XKR4: variants seen among roughly 807,000 people sequenced by gnomAD.
XKR4 encodes XK related 4.
A neutral mutation model predicts 53.9 loss-of-function variants in XKR4; 12 were observed. The observed-to-expected ratio is 0.22, with a 90% CI of 0.14 to 0.36. The LOEUF (loss-of-function observed/expected upper bound fraction) is 0.36, where lower values mean the gene tolerates loss of function less well. XKR4 is among the 10% of genes least tolerant of loss of function. The pLI is 1.00. For synonymous variants in XKR4, 354 were observed against 362.4 expected, an observed-to-expected ratio of 0.98 and a Z score of 0.26; for missense variants, 799 against 859.5, an observed-to-expected ratio of 0.93 and a Z score of 0.88.
intron 1 of XKR4, among the ~76,000 whole-genome samples, chr8:55,121,370 C>T (rs1461075602): frequency 1.3e-5 from 2 of 152,154 alleles, no homozygotes; most frequent in Admixed American, 1.3e-4. Flanking sequence ...TGCCAAATGA[C>T]CCTATGTTGG....
rs1014655769 is a variant in XKR4, at chr8:55,213,206, T to C, written c.806+109912T>C. The stretch of plus-strand genomic sequence containing the variant: ...GGAGTTGCTTTGGCTCGAACACCTC[T>C]GACAAAATCAGTCTCCCTGAAAATT... On this transcript the variant is annotated intron_variant, in intron 1 of 2. Transcript: ENST00000327381. Among the ~76,000 whole-genome samples the C allele has an allele frequency of 3.9e-5, 6 of 152,202 alleles. No individual in the cohort carries two copies. In the South Asian group the frequency reaches 8.3e-4, roughly 21 times the overall value.
rs190114297 is a variant in XKR4 at position 55,206,981 on chromosome 8, T to C, written c.806+103687T>C. On this transcript the variant is annotated intron_variant, in intron 1 of 2. Coordinates refer to ENST00000327381, the MANE Select transcript of XKR4 (RefSeq NM_052898.2). ...ACCCTGCCCCGCGGCATAGTCTGCT[T>C]AATCAGGGAGAATCCAGCTGAGTCC... is the stretch of plus-strand genomic sequence containing the variant. Among the ~76,000 whole-genome samples, 51 of 152,332 alleles carry C rather than the reference T, an allele frequency of 3.3e-4. No individual in the cohort carries two copies. In the East Asian group the frequency reaches 6.7e-3, roughly 20 times the overall value.
chr8:55,492,512 A>G (rs1210498916), intron 2 of XKR4, among the ~76,000 whole-genome samples: 1 of 152,198 alleles, frequency 6.6e-6, no homozygotes, highest in Non-Finnish European at 1.5e-5. Flanking sequence ...GAACCACAAC[A>G]CTGATTGTAC....
intron 1 of XKR4, among the ~76,000 whole-genome samples, chr8:55,136,613 T>A (rs1397456666): frequency 6.6e-6 from 1 of 152,096 alleles, no homozygotes; most frequent in African/African-American, 2.4e-5. Flanking sequence ...ATTGGAAGAG[T>A]TAAAACATAT....
At chr8:55,459,104 G>C (rs550771223) in intron 2 of XKR4, among the ~76,000 whole-genome samples, 35 of 152,220 alleles carry the variant, frequency 2.3e-4, no homozygotes, top group Admixed American at 2.3e-3. Context: ...ACAGAATATA[G>C]AGTCCAGAAA....
intron 2 of XKR4, among the ~76,000 whole-genome samples, chr8:55,501,853 G>A (rs1254866384): frequency 1.3e-5 from 2 of 152,108 alleles, no homozygotes; most frequent in African/African-American, 4.8e-5. Context: ...TCATCCCTCA[G>A]TATCCACGGG....
At chr8:55,296,528 A>G (rs1819103730) in intron 1 of XKR4, among the ~76,000 whole-genome samples, 1 of 152,166 alleles carries the variant, frequency 6.6e-6, no homozygotes, top group South Asian at 2.1e-4. Flanking sequence ...ATTTGCCAAT[A>G]CTATTTTTTT....
At chr8:55,304,771 G>T (rs1203194972) in intron 1 of XKR4, among the ~76,000 whole-genome samples, 2 of 151,878 alleles carry the variant, frequency 1.3e-5, no homozygotes, top group Admixed American at 6.6e-5. Context: ...TGTCTCTTTT[G>T]ATCTTTGTTG....
chr8:55,452,052 C>T, intron 2 of XKR4: 2 of 720,922 alleles, frequency 2.8e-6, no homozygotes, highest in Admixed American at 2.0e-5. Context: ...GAGGGAAGGA[C>T]CCTTGTTCTT....
intron 1 of XKR4, among the ~76,000 whole-genome samples, chr8:55,212,410 T>G (rs1365605305): frequency 2.6e-5 from 4 of 152,200 alleles, no homozygotes; most frequent in Non-Finnish European, 4.4e-5. Context: ...ATTCAAGATC[T>G]GCTCTCTGTC....
At chr8:55,173,991 T>C (rs1213387484) in intron 1 of XKR4, among the ~76,000 whole-genome samples, 3 of 152,248 alleles carry the variant, frequency 2.0e-5, no homozygotes, top group Non-Finnish European at 4.4e-5. Flanking sequence ...TGAAGCATCA[T>C]TATACATTAA....
intron 1 of XKR4, among the ~76,000 whole-genome samples, chr8:55,252,872 A>G (rs1818379467): frequency 6.6e-6 from 1 of 152,190 alleles, no homozygotes; most frequent in Non-Finnish European, 1.5e-5. Flanking sequence ...AAGGTTGATC[A>G]AAATCAGAAA....
intron 1 of XKR4, among the ~76,000 whole-genome samples, chr8:55,191,129 C>G (rs16921361): frequency 0.029 from 4,372 of 152,204 alleles, 216 homozygotes; most frequent in African/African-American, 0.098. Context: ...AATAGGAGGA[C>G]TTCTGAGGGA....
At chr8:55,422,301 C>T (rs1563346084) in intron 2 of XKR4, among the ~76,000 whole-genome samples, 1 of 152,114 alleles carries the variant, frequency 6.6e-6, no homozygotes, top group Non-Finnish European at 1.5e-5. Flanking sequence ...CAATAATATA[C>T]ACACTGCACA....
intron 1 of XKR4, among the ~76,000 whole-genome samples, chr8:55,141,671 C>CTCTCTGTG (rs748708972): frequency 4.7e-4 from 64 of 135,298 alleles, no homozygotes; most frequent in African/African-American, 1.6e-3. Flanking sequence ...CTCTCTCTCT[C>CTCTCTGTG]TGTGTGTGTG....
chr8:55,177,942 A>G (rs1817255482), intron 1 of XKR4, among the ~76,000 whole-genome samples: 1 of 152,142 alleles, frequency 6.6e-6, no homozygotes, highest in Non-Finnish European at 1.5e-5. Flanking sequence ...TCCTGCCAGG[A>G]CCAGCCTTGA....
chr8:55,199,774 T>G (rs1563481103), intron 1 of XKR4, among the ~76,000 whole-genome samples: 1 of 152,230 alleles, frequency 6.6e-6, no homozygotes, highest in African/African-American at 2.4e-5. Flanking sequence ...AGCCACATAA[T>G]AGTAGCAGCT....
intron 2 of XKR4, among the ~76,000 whole-genome samples, chr8:55,417,655 G>A (rs1013995329): frequency 1.3e-5 from 2 of 152,296 alleles, no homozygotes; most frequent in South Asian, 2.1e-4. Flanking sequence ...CAACATATCC[G>A]ATTTCAATTT....
At chr8:55,419,187 C>G (rs1378444902) in intron 2 of XKR4, among the ~76,000 whole-genome samples, 1 of 152,128 alleles carries the variant, frequency 6.6e-6, no homozygotes, top group Non-Finnish European at 1.5e-5. Context: ...GAGTTCAAGA[C>G]CAGCCTGGCC....
Sources: allele counts gnomAD v4.1 joint callset (sites outside exome capture counted in the v4.1 genomes callset), GRCh38; gene constraint gnomAD v4.1.1; transcripts MANE v1.5; gene names NCBI Gene and HGNC (gene_info 2026-07-23, HGNC 2026-07-21).